The following ADCY5 variants were observed in gnomAD, a reference collection of about 807,000 sequenced individuals.
The protein encoded by ADCY5 is adenylate cyclase 5, also known as adenylate cyclase type 5.
Under a neutral mutation model 119.7 loss-of-function variants are expected in ADCY5, and 30 were observed. The ratio of observed to expected loss-of-function variants is 0.25; its 90% confidence interval spans 0.19 to 0.34. The LOEUF (loss-of-function observed/expected upper bound fraction) is 0.34. Among genes scored for constraint, ADCY5 ranks in the 10% least tolerant of loss-of-function variants. ADCY5 has a pLI of 1.00. For synonymous variants in ADCY5, 753 were observed against 762.2 expected (o/e 0.99, Z 0.20); for missense variants, 1,324 against 1,775.2 (o/e 0.75, Z 4.57).
intron 1 of ADCY5, among the ~76,000 whole-genome samples, chr3:123,403,162 T>C (rs1366046650): frequency 6.6e-6 from 1 of 151,964 alleles, no homozygotes; most frequent in African/African-American, 2.4e-5. Flanking sequence ...GGCAGATCCC[T>C]TGAGCTCAAG....
intron 14 of ADCY5, among the ~76,000 whole-genome samples, chr3:123,301,275 CCCCTAGGGCAGA>C (rs1939832814): frequency 6.6e-6 from 1 of 152,208 alleles, no homozygotes; most frequent in Non-Finnish European, 1.5e-5. Flanking sequence ...GCTGGGGCAG[CCCCTAGGGCAGA>C]CCCTCAGCCT....
intron 1 of ADCY5, among the ~76,000 whole-genome samples, chr3:123,398,231 C>T (rs9815903): frequency 0.059 from 8,970 of 152,036 alleles, 609 homozygotes; most frequent in African/African-American, 0.16. Flanking sequence ...TAACAAAGTT[C>T]CCCCCTGCCA....
At chr3:123,317,137 T>C (rs1940953229) in intron 11 of ADCY5, among the ~76,000 whole-genome samples, 1 of 152,118 alleles carries the variant, frequency 6.6e-6, no homozygotes, top group Non-Finnish European at 1.5e-5. Flanking sequence ...AATGACAATT[T>C]AACAAACACC....
chr3:123,412,363 C>T (rs981158365), intron 1 of ADCY5, among the ~76,000 whole-genome samples: 5 of 152,018 alleles, frequency 3.3e-5, no homozygotes, highest in African/African-American at 1.2e-4. Flanking sequence ...CCCAATAGGA[C>T]GTCCCTGCGG....
At chr3:123,386,767 G>A (rs1297461247) in intron 1 of ADCY5, among the ~76,000 whole-genome samples, 5 of 151,990 alleles carry the variant, frequency 3.3e-5, no homozygotes, top group South Asian at 2.1e-4. Flanking sequence ...TTCTTCCCAC[G>A]CTGCCTGCCA....
At position 123,376,809 on chromosome 3, in the gene ADCY5, G is replaced by A. The variant is rs557863639; in HGVS notation, c.1135-24228C>T. On this transcript the variant is annotated intron_variant, in intron 1 of 20. Transcript: ENST00000462833. ...AGCCCTCAGCAAGACCAGGCAGGAA[G>A]ATTACTTTTCACTGAAATAGTCCCA... Among the ~76,000 whole-genome samples the A allele has an allele frequency of 2.6e-5, 4 of 152,316 alleles. No homozygotes were observed. The South Asian group carries it at 8.3e-4, about 32-fold the overall frequency.
intron 16 of ADCY5, chr3:123,297,147 T>C (rs753562884): frequency 4.2e-5 from 59 of 1,402,118 alleles, no homozygotes; most frequent in Non-Finnish European, 5.5e-5. Context: ...CAGATCACCT[T>C]GGCAGGGATC....
In ADCY5 at chr3:123,304,186, AGGGTGG is replaced by A; in HGVS notation, c.2443-9_2443-4del. The A allele has an allele frequency of 3.7e-6, 2 of 544,352 alleles. No individual in the cohort carries two copies. Among genetic ancestry groups the A allele is most frequent in the Middle Eastern group, 3.2e-4 (1 of 3,110 alleles). The allele number at this position is 544,352 out of a possible 1,614,324, so 33.7% of individuals were successfully genotyped here. On this transcript the variant is annotated splice_polypyrimidine_tract_variant and splice_region_variant and intron_variant, in intron 12 of 20. Coordinates refer to ENST00000462833, the MANE Select transcript of ADCY5 (RefSeq NM_183357.3). The stretch of plus-strand genomic sequence containing the variant: ...GTCTGCAGTGGGGAGGGGAAGAGCT[AGGGTGG>A]GGGCAGGGGTGGAGAGGGAGGGAGG...
Position 123,286,956 on chromosome 3 carries a change from C to A in ADCY5, c.3533-147G>T, listed in dbSNP as rs1480444603. ...CCCAAGGCTGTGCTAAACCCTGCAG[C>A]CTCCCGCTACCCTGCTCCTGTCAAA... On this transcript the variant is annotated intron_variant, in intron 19 of 20. Coordinates refer to ENST00000462833, the MANE Select transcript of ADCY5 (RefSeq NM_183357.3). This position sits in a 1 kb window ranked among gnomAD's most constrained non-coding sequence, Gnocchi z 4.2. 2 of 1,085,672 alleles carry A rather than the reference C, an allele frequency of 1.8e-6. No homozygotes were observed. Among genetic ancestry groups the A allele is most frequent in the African/African-American group, 3.2e-5 (2 of 62,444 alleles). 67.3% of individuals were successfully genotyped at this position (1,085,672 alleles called of 1,614,324 possible). A position where few individuals can be genotyped will look rare whatever the true frequency, so the allele number is the denominator to read the frequency against.
intron 14 of ADCY5, among the ~76,000 whole-genome samples, chr3:123,301,361 G>T (rs1191021092): frequency 6.6e-6 from 1 of 152,124 alleles, no homozygotes; most frequent in Non-Finnish European, 1.5e-5. Flanking sequence ...ATTGTGGGGG[G>T]AAGCCTCACA....
chr3:123,362,897 A>G (rs1357959774), intron 1 of ADCY5, among the ~76,000 whole-genome samples: 2 of 152,182 alleles, frequency 1.3e-5, no homozygotes, highest in African/African-American at 2.4e-5. Context: ...TAATCCCAGC[A>G]CTTTGGGAGG....
chr3:123,333,341 C>T (rs927716513), intron 3 of ADCY5, among the ~76,000 whole-genome samples: 3 of 152,210 alleles, frequency 2.0e-5, no homozygotes, highest in Non-Finnish European at 2.9e-5. Context: ...TGTAAGCCCC[C>T]GTTCTTTGGT....
chr3:123,392,440 G>A lies in ADCY5; in HGVS notation c.1135-39859C>T, dbSNP rs933458848. 2.0e-5 allele frequency among the ~76,000 whole-genome samples: 3 copies of A among 152,024 alleles called. No individual in the cohort carries two copies. In the East Asian group the frequency reaches 5.8e-4, roughly 29 times the overall value. ...TCTGAGGAAGGGCTTAGATGGGCTC[G>A]GTCTGCAGGCAGCACAGGTTAGGCA... On this transcript the variant is annotated intron_variant, in intron 1 of 20. Transcript: ENST00000462833.
At position 123,426,304 on chromosome 3, in the gene ADCY5, T is replaced by TTTTG. The variant is rs1945408737; in HGVS notation, c.1134+21107_1134+21108insCAAA. 3.7e-4 allele frequency among the ~76,000 whole-genome samples: 3 copies of TTTTG among 8,024 alleles called. No homozygotes were observed. In the Admixed American group the frequency reaches 7.4e-3, roughly 20 times the overall value. 5.3% of individuals were successfully genotyped at this position (8,024 alleles called of 152,430 possible). A position where few individuals can be genotyped will look rare whatever the true frequency, so the allele number is the denominator to read the frequency against. On this transcript the variant is annotated intron_variant, in intron 1 of 20. Coordinates refer to ENST00000462833, the MANE Select transcript of ADCY5 (RefSeq NM_183357.3). ...TTCTTTTTCTTTTCTTTTGTGTTTT[T>TTTTG]TTTTTGTTTGTTTTTGTTTGTTTGT...
chr3:123,402,714 G>C (rs546456512), intron 1 of ADCY5, among the ~76,000 whole-genome samples: 1 of 151,988 alleles, frequency 6.6e-6, no homozygotes, highest in Non-Finnish European at 1.5e-5. Flanking sequence ...TTAGTCAGGC[G>C]TGGTGGTGGG....
intron 4 of ADCY5, 119 bp from the exon 5 acceptor site, chr3:123,331,135 A>T (rs1354220710): frequency 9.0e-7 from 1 of 1,112,744 alleles, no homozygotes; most frequent in Non-Finnish European, 1.3e-6. Flanking sequence ...TAGGGCAGTG[A>T]GCGCAGGCCC....
At chr3:123,375,727 A>C (rs1318091615) in intron 1 of ADCY5, among the ~76,000 whole-genome samples, 1 of 152,158 alleles carries the variant, frequency 6.6e-6, no homozygotes, top group Non-Finnish European at 1.5e-5. Flanking sequence ...TGTGCTGGGC[A>C]CTCTGGCATG....
chr3:123,392,471 C>A (rs987312058), intron 1 of ADCY5, among the ~76,000 whole-genome samples: 1 of 150,098 alleles, frequency 6.7e-6, no homozygotes, highest in Non-Finnish European at 1.5e-5. Context: ...AGGCAGTGAT[C>A]CACGGGGTTA....
intron 1 of ADCY5, among the ~76,000 whole-genome samples, chr3:123,385,488 TA>T (rs1424993346): frequency 6.6e-6 from 1 of 152,148 alleles, no homozygotes; most frequent in African/African-American, 2.4e-5. Context: ...TCTTGGTGCC[TA>T]AAATCATGAC....
Sources: allele counts gnomAD v4.1 joint callset (sites outside exome capture counted in the v4.1 genomes callset), GRCh38; gene constraint gnomAD v4.1.1; non-coding constraint Gnocchi (gnomAD v3.1); transcripts MANE v1.5; gene names NCBI Gene and HGNC (gene_info 2026-07-23, HGNC 2026-07-21).